Variants in DCAF7 observed in about 807,000 individuals in gnomAD.
DCAF7 encodes DDB1 and CUL4 associated factor 7.
Under a neutral mutation model 41.2 loss-of-function variants are expected in DCAF7, and 4 were observed. The observed-to-expected ratio is 0.10, with a 90% confidence interval of 0.05 to 0.22. DCAF7 has a LOEUF of 0.22. DCAF7 is among the 10% of genes least tolerant of loss of function. The pLI is 1.00. For synonymous variants in DCAF7, 143 were observed against 164.2 expected (o/e 0.87, Z 0.99); for missense variants, 131 against 443.2 (o/e 0.30, Z 6.32).
At chr17:63,585,891 G>A (rs1323001633) in intron 6 of DCAF7, among the ~76,000 whole-genome samples, 1 of 152,122 alleles carries the variant, frequency 6.6e-6, no homozygotes, top group African/African-American at 2.4e-5. Flanking sequence ...GGAGGCTGAG[G>A]CGGGTGGATC....
At chr17:63,584,198 T>G (rs1159482541) in intron 5 of DCAF7, among the ~76,000 whole-genome samples, 1 of 152,284 alleles carries the variant, frequency 6.6e-6, no homozygotes, top group Admixed American at 6.5e-5. Flanking sequence ...GGCCGGGCGC[T>G]CTGGGTCACG....
intron 6 of DCAF7, among the ~76,000 whole-genome samples, chr17:63,587,801 A>G (rs1188846056): frequency 6.6e-6 from 1 of 151,980 alleles, no homozygotes; most frequent in Admixed American, 6.6e-5. Flanking sequence ...TTTCTTTTTT[A>G]AAAATTAACT....
chr17:63,589,132 C>T lies in DCAF7; in HGVS notation c.989C>T (p.Ala330Val). Reference protein sequence around the residue: ...QWASTQPDWIAICYNNCLEIL... With the variant: ...QWASTQPDWIVICYNNCLEIL... ...GCATCAACTCAGCCCGACTGGATCG[C>T]CATCTGCTACAACAACTGCCTGGAG... The change falls in exon 7 of 7, where the codon GCC (alanine) becomes GTC (valine). Residue 330 changes from alanine to valine, a missense_variant. Ala to Val is a moderately conservative substitution (Grantham distance 64, BLOSUM62 0). Coordinates refer to ENST00000614556, the MANE Select transcript of DCAF7 (RefSeq NM_005828.5). The T allele has an allele frequency of 6.2e-7, 1 of 1,614,022 alleles. No individual in the cohort carries two copies. Among genetic ancestry groups the T allele is most frequent in the Non-Finnish European group, 8.5e-7 (1 of 1,179,898 alleles).
intron 1 of DCAF7, among the ~76,000 whole-genome samples, chr17:63,577,948 G>A (rs2033580329): frequency 6.6e-6 from 1 of 152,228 alleles, no homozygotes; most frequent in Non-Finnish European, 1.5e-5. Context: ...TGGCTTTGCA[G>A]TGTTGAGTGT....
In DCAF7 at chr17:63,590,350, G is replaced by GCC. The variant is rs2033721135; in HGVS notation, c.*1178_*1179insCC. The GCC allele has an allele frequency of 6.6e-6, 1 of 152,568 alleles. No individual in the cohort carries two copies. Among genetic ancestry groups the GCC allele is most frequent in the South Asian group, 2.1e-4 (1 of 4,820 alleles). 9.5% of individuals were successfully genotyped at this position (152,568 alleles called of 1,614,324 possible). On this transcript the variant is annotated 3_prime_UTR_variant, in exon 7 of 7. Coordinates refer to ENST00000614556, the MANE Select transcript of DCAF7 (RefSeq NM_005828.5). ...GGACTGATGGACTGCGGCAATCCTG[G>GCC]GCTGTCAAGTGGATAGATAGTTAAA...
chr17:63,551,655 CA>C (rs918827441), intron 1 of DCAF7, among the ~76,000 whole-genome samples: 5 of 151,940 alleles, frequency 3.3e-5, no homozygotes, highest in African/African-American at 1.2e-4. Context: ...TCCTTTTACT[CA>C]AAGTTGTGAA....
intron 4 of DCAF7, among the ~76,000 whole-genome samples, chr17:63,582,708 A>G (rs568718504): frequency 1.1e-4 from 16 of 152,026 alleles, no homozygotes; most frequent in African/African-American, 3.9e-4. Context: ...TGACCTTGTG[A>G]TCCGCCCGCC....
At chr17:63,554,030 C>T (rs1201753604) in intron 1 of DCAF7, among the ~76,000 whole-genome samples, 1 of 152,062 alleles carries the variant, frequency 6.6e-6, no homozygotes, top group Non-Finnish European at 1.5e-5. Flanking sequence ...ATGGAGAAAC[C>T]CTGACTCTAC....
intron 1 of DCAF7, among the ~76,000 whole-genome samples, chr17:63,557,625 C>G (rs185320832): frequency 6.6e-6 from 1 of 152,128 alleles, no homozygotes; most frequent in East Asian, 1.9e-4. Context: ...ATAATAGATG[C>G]AGAAAGTAAA....
In DCAF7 at chr17:63,589,351, G is replaced by C. The variant is rs1413396442; in HGVS notation, c.*179G>C. 1.2e-6 allele frequency: 1 copy of C among 824,922 alleles called. No homozygotes were observed. Among genetic ancestry groups the C allele is most frequent in the South Asian group, 1.4e-5 (1 of 69,362 alleles). The allele number at this position is 824,922 out of a possible 1,614,324, so 51.1% of individuals were successfully genotyped here. A position where few individuals can be genotyped will look rare whatever the true frequency, so the allele number is the denominator to read the frequency against. On this transcript the variant is annotated 3_prime_UTR_variant, in exon 7 of 7. Transcript: ENST00000614556. ...AGTCACCCCATCGCCCTCTGTGGCA[G>C]ACTCAGTGCTGTGTGGCGCCTCCTC...
At chr17:63,554,057 T>C (rs895228769) in intron 1 of DCAF7, among the ~76,000 whole-genome samples, 3 of 152,064 alleles carry the variant, frequency 2.0e-5, no homozygotes, top group African/African-American at 7.2e-5. Context: ...ATTAAAAAAT[T>C]AGCCAGGTAT....
intron 1 of DCAF7, among the ~76,000 whole-genome samples, chr17:63,571,198 G>A (rs1407050242): frequency 2.0e-5 from 3 of 151,128 alleles, no homozygotes; most frequent in African/African-American, 7.3e-5. Context: ...AAAAAAAAAA[G>A]AAAAGAAAAT....
At chr17:63,561,255 ACT>A (rs1181028603) in intron 1 of DCAF7, among the ~76,000 whole-genome samples, 1 of 152,144 alleles carries the variant, frequency 6.6e-6, no homozygotes, top group African/African-American at 2.4e-5. Flanking sequence ...ATAGAGCAAG[ACT>A]CTATCTCAAA....
intron 1 of DCAF7, among the ~76,000 whole-genome samples, chr17:63,569,450 C>A (rs1276935368): frequency 6.6e-6 from 1 of 151,934 alleles, no homozygotes. Flanking sequence ...GGGGACCAAG[C>A]AGGCATAGTT....
intron 1 of DCAF7, among the ~76,000 whole-genome samples, chr17:63,557,039 A>G (rs372627770): frequency 2.0e-5 from 3 of 152,062 alleles, no homozygotes; most frequent in African/African-American, 7.2e-5. Flanking sequence ...AAAACCAAAA[A>G]AACAAAACAA....
chr17:63,571,236 G>C (rs190392495), intron 1 of DCAF7, among the ~76,000 whole-genome samples: 87 of 151,852 alleles, frequency 5.7e-4, no homozygotes, highest in African/African-American at 2.1e-3. Context: ...GAAGTGAGTT[G>C]CAGAATAGTA....
At chr17:63,575,348 A>C (rs1409393406) in intron 1 of DCAF7, among the ~76,000 whole-genome samples, 2 of 152,148 alleles carry the variant, frequency 1.3e-5, no homozygotes, top group African/African-American at 4.8e-5. Flanking sequence ...GAAATAAAGA[A>C]ATAAAATTAA....
Position 63,550,882 on chromosome 17 carries a change from C to T in DCAF7, c.138+67C>T, listed in dbSNP as rs1343005949. On this transcript the variant is annotated intron_variant, in intron 1 of 6. Transcript: ENST00000614556. This position sits in a 1 kb window ranked among gnomAD's most constrained non-coding sequence, Gnocchi z 4.8. ...GGCCCCGGGAGCGCCCTTTCCGGGC[C>T]GGAGCCCAGGCCTCAGAACCCTCTT... 2 of 1,564,512 alleles carry T rather than the reference C, an allele frequency of 1.3e-6. No homozygotes were observed. Among genetic ancestry groups the T allele is most frequent in the Non-Finnish European group, 1.7e-6 (2 of 1,156,594 alleles).
intron 6 of DCAF7, among the ~76,000 whole-genome samples, chr17:63,585,575 C>A (rs1054900367): frequency 6.6e-6 from 1 of 152,140 alleles, no homozygotes; most frequent in Non-Finnish European, 1.5e-5. Flanking sequence ...TAGGGCTGTG[C>A]CTTGTACTGT....
Sources: allele counts gnomAD v4.1 joint callset (sites outside exome capture counted in the v4.1 genomes callset), GRCh38; gene constraint gnomAD v4.1.1; non-coding constraint Gnocchi (gnomAD v3.1); transcripts MANE v1.5; gene names NCBI Gene and HGNC (gene_info 2026-07-23, HGNC 2026-07-21).